The following RPF2 variants were observed in gnomAD, a reference collection of about 807,000 sequenced individuals.
The protein encoded by RPF2 is ribosome production factor 2 homolog, also known as brix domain containing 1.
In RPF2, 21 loss-of-function variants were observed where a neutral mutation model predicts 38.9. The observed-to-expected ratio is 0.54, with a 90% confidence interval of 0.38 to 0.78. The LOEUF is 0.78. Among genes scored for constraint, RPF2 ranks in the 30% least tolerant of loss-of-function variants. The pLI is 0.00. For synonymous variants in RPF2, 121 were observed against 126.2 expected (o/e 0.96, Z 0.28); for missense variants, 314 against 358.1 (o/e 0.88, Z 0.99).
intron 7 of RPF2, among the ~76,000 whole-genome samples, chr6:111,009,255 T>C (rs1435398604): frequency 6.6e-6 from 1 of 152,062 alleles, no homozygotes; most frequent in Non-Finnish European, 1.5e-5. Context: ...GGAGTTTCAC[T>C]GTGTTAGCCA....
At chr6:111,024,733 T>C (rs1366414134) in intron 9 of RPF2, among the ~76,000 whole-genome samples, 1 of 144,476 alleles carries the variant, frequency 6.9e-6, no homozygotes, top group Non-Finnish European at 1.5e-5. Context: ...CAAGGACATA[T>C]ATAAAGAGAT....
intron 3 of RPF2, among the ~76,000 whole-genome samples, chr6:110,990,189 C>T (rs1425508569): frequency 4.1e-5 from 6 of 147,514 alleles, no homozygotes; most frequent in Admixed American, 4.1e-4. Flanking sequence ...CTGCCCACCT[C>T]GGCCTCCCAA....
At chr6:110,999,293 A>AAT (rs967113534) in intron 5 of RPF2, among the ~76,000 whole-genome samples, 42 of 152,136 alleles carry the variant, frequency 2.8e-4, no homozygotes, top group African/African-American at 8.7e-4. Flanking sequence ...TTTCATATGA[A>AAT]ATATATATAT....
rs1011055207 is a variant in RPF2 at position 110,982,149 on chromosome 6, G to T, written c.23+20G>T. On this transcript the variant is annotated intron_variant, in intron 1 of 9. Coordinates refer to ENST00000441448, the MANE Select transcript of RPF2 (RefSeq NM_032194.3). ...AGTAGTGTAAGTGCGCTGGGTCTCA[G>T]CCCCGGGGAGCGTTGGGGTGAAAGG... 5.6e-6 allele frequency: 9 copies of T among 1,613,894 alleles called. 1 individual carries two copies. Among genetic ancestry groups the T allele is most frequent in the East Asian group, 2.2e-5 (1 of 44,884 alleles).
Position 111,015,833 on chromosome 6 carries a change from G to A in RPF2, c.573G>A (p.Gly191=). The A allele has an allele frequency of 1.9e-6, 3 of 1,611,080 alleles. No homozygotes were observed. The highest frequency in any genetic ancestry group is 2.5e-6 in the Non-Finnish European group (3 of 1,177,242). ...TTCTGCACTTCACTGCACTGAATGG[G>A]AAGATTTACTTTCGAAGCTATAAGT... ...EYVLHFTALN[G]KIYFRSYKLL... is the part of the protein sequence containing the mutation. The change falls in exon 8 of 10, where the codon GGG becomes GGA. Residue 191 remains glycine (G), a synonymous_variant. Transcript: ENST00000441448.
At chr6:110,989,892 G>A (rs1450579643) in intron 3 of RPF2, among the ~76,000 whole-genome samples, 2 of 151,754 alleles carry the variant, frequency 1.3e-5, no homozygotes, top group Non-Finnish European at 2.9e-5. Flanking sequence ...CGAAGTGATG[G>A]GATTACAGGC....
chr6:110,992,928 T>C (rs1213181764), intron 4 of RPF2, among the ~76,000 whole-genome samples: 1 of 152,184 alleles, frequency 6.6e-6, no homozygotes, highest in East Asian at 1.9e-4. Flanking sequence ...AAAATAAAAA[T>C]AAAAAAACTT....
In RPF2 at chr6:110,985,047, G is replaced by A. The variant is rs761967267; in HGVS notation, c.65G>A (p.Arg22Lys). 1.2e-6 allele frequency: 2 copies of A among 1,612,562 alleles called. No homozygotes were observed. Among genetic ancestry groups the A allele is most frequent in the Non-Finnish European group, 1.7e-6 (2 of 1,179,786 alleles). ...TKRAKRFLEK[R>K]EPKLNENIKN... Reference sequence around the variant, plus strand: ...AGAGCCAAGAGATTCCTTGAGAAGAGAGAACCGAAACTCAATGAAAATATT... The same window carrying A: ...AGAGCCAAGAGATTCCTTGAGAAGAAAGAACCGAAACTCAATGAAAATATT... Residue 22 changes from arginine (R) to lysine (K), a missense_variant, in exon 2 of 10, where the codon AGA becomes AAA. Physicochemically the swap from Arg to Lys is conservative, Grantham distance 26 (BLOSUM62 2). Coordinates refer to ENST00000441448, the MANE Select transcript of RPF2 (RefSeq NM_032194.3).
At chr6:110,996,124 G>GTT (rs35806882) in intron 4 of RPF2, among the ~76,000 whole-genome samples, 28 of 122,626 alleles carry the variant, frequency 2.3e-4, no homozygotes, top group African/African-American at 3.7e-4. Flanking sequence ...AGCCAGATAA[G>GTT]TTTTTTTTTT....
rs1442843008 is a variant in RPF2 at position 110,982,973 on chromosome 6, T to A, written c.23+844T>A. Among the ~76,000 whole-genome samples the A allele has an allele frequency of 2.0e-5, 3 of 152,246 alleles. No individual in the cohort carries two copies. The East Asian group carries it at 5.8e-4, about 29-fold the overall frequency. ...TAATGAGATACAAAAGATAGAATAATTTGTATCTTTATCAACCAGTAAATG... is the reference window on the plus strand; with the variant it reads ...TAATGAGATACAAAAGATAGAATAAATTGTATCTTTATCAACCAGTAAATG... On this transcript the variant is annotated intron_variant, in intron 1 of 9. Coordinates refer to ENST00000441448, the MANE Select transcript of RPF2 (RefSeq NM_032194.3).
intron 7 of RPF2, among the ~76,000 whole-genome samples, chr6:111,008,419 T>TC (rs1237914556): frequency 2.4e-4 from 35 of 147,872 alleles, no homozygotes; most frequent in African/African-American, 8.1e-4. Flanking sequence ...TCTTTTTTTT[T>TC]TCCCTTACCA....
At chr6:111,021,324 G>A (rs1040881645) in intron 8 of RPF2, among the ~76,000 whole-genome samples, 2 of 152,166 alleles carry the variant, frequency 1.3e-5, no homozygotes, top group Non-Finnish European at 1.5e-5. Flanking sequence ...ACCCTAGTAT[G>A]TAATTTTGAT....
chr6:111,017,472 C>T (rs201950655), intron 8 of RPF2, among the ~76,000 whole-genome samples: 5 of 146,690 alleles, frequency 3.4e-5, no homozygotes, highest in Non-Finnish European at 6.0e-5. Flanking sequence ...GGCTGCCGGG[C>T]GGAGGGGCTC....
At chr6:110,983,020 A>G (rs1400446883) in intron 1 of RPF2, among the ~76,000 whole-genome samples, 1 of 152,232 alleles carries the variant, frequency 6.6e-6, no homozygotes, top group Non-Finnish European at 1.5e-5. Context: ...TATATGTGAC[A>G]TTATATCTGG....
chr6:110,985,799 G>T (rs750837205), intron 2 of RPF2, among the ~76,000 whole-genome samples: 35 of 152,090 alleles, frequency 2.3e-4, no homozygotes, highest in Non-Finnish European at 4.4e-4. Context: ...TTAGCCGGGT[G>T]TGGTGGCGGG....
intron 1 of RPF2, among the ~76,000 whole-genome samples, chr6:110,983,175 A>C (rs1011256487): frequency 9.2e-5 from 14 of 152,302 alleles, no homozygotes; most frequent in Admixed American, 4.6e-4. Context: ...GAACTGTCTG[A>C]AAAGCAAGGT....
In RPF2 at chr6:110,985,146, T is replaced by C. The variant is rs1486359331; in HGVS notation, c.156+8T>C. 1.2e-6 allele frequency: 2 copies of C among 1,604,034 alleles called. No individual in the cohort carries two copies. Among genetic ancestry groups the C allele is most frequent in the Non-Finnish European group, 1.7e-6 (2 of 1,175,074 alleles). ...AAAGTACTTAAAGATGTGGTAAGTA[T>C]ATATACTTAATCTTTAAAAGGTATT... On this transcript the variant is annotated splice_region_variant and intron_variant, in intron 2 of 9. Coordinates refer to ENST00000441448, the MANE Select transcript of RPF2 (RefSeq NM_032194.3).
chr6:111,003,784 C>T (rs1480533818), intron 6 of RPF2, among the ~76,000 whole-genome samples: 1 of 152,160 alleles, frequency 6.6e-6, no homozygotes, highest in Non-Finnish European at 1.5e-5. Context: ...GATTGCTACA[C>T]TGCAATCTAG....
intron 3 of RPF2, among the ~76,000 whole-genome samples, chr6:110,990,479 G>A (rs1445270329): frequency 6.6e-6 from 1 of 150,492 alleles, no homozygotes; most frequent in African/African-American, 2.4e-5. Context: ...AAAATGTTGT[G>A]CTTTCCTCAT....
Sources: allele counts gnomAD v4.1 joint callset (sites outside exome capture counted in the v4.1 genomes callset), GRCh38; gene constraint gnomAD v4.1.1; transcripts MANE v1.5; gene names NCBI Gene and HGNC (gene_info 2026-07-23, HGNC 2026-07-21).